The following PCLO variants were observed in gnomAD, a reference collection of about 807,000 sequenced individuals.
PCLO encodes the protein protein piccolo.
In PCLO, 82 loss-of-function variants were observed where a neutral mutation model predicts 427.5. That is an observed-to-expected ratio of 0.19 (90% CI 0.16 to 0.23). The LOEUF is 0.23. Among genes scored for constraint, PCLO ranks in the 10% least tolerant of loss-of-function variants. PCLO has a pLI of 1.00. For synonymous variants in PCLO, 2,357 were observed against 2,155.4 expected (o/e 1.09, Z -2.59); for missense variants, 6,239 against 6,115.9 (o/e 1.02, Z -0.67).
At chr7:82,979,686 T>G (rs1796104714) in intron 3 of PCLO, among the ~76,000 whole-genome samples, 1 of 152,254 alleles carries the variant, frequency 6.6e-6, no homozygotes, top group Non-Finnish European at 1.5e-5. Flanking sequence ...TGAGAAAGTA[T>G]AGATATTTTA....
intron 8 of PCLO, among the ~76,000 whole-genome samples, chr7:82,904,089 G>A (rs1794123377): frequency 1.3e-5 from 2 of 151,948 alleles, no homozygotes; most frequent in African/African-American, 4.8e-5. Context: ...ATTCTGCAGA[G>A]TAAAACAAAA....
At chr7:82,994,727 T>C (rs1796456468) in intron 3 of PCLO, among the ~76,000 whole-genome samples, 1 of 151,958 alleles carries the variant, frequency 6.6e-6, no homozygotes, top group South Asian at 2.1e-4. Flanking sequence ...ATAACCATTT[T>C]CAAAATATCA....
chr7:82,966,789 GA>G (rs969770611), intron 3 of PCLO, among the ~76,000 whole-genome samples: 2 of 151,816 alleles, frequency 1.3e-5, no homozygotes, highest in Admixed American at 6.6e-5. Flanking sequence ...TTTTCAGGAA[GA>G]AAAAAAATCT....
At chr7:83,114,261 A>G (rs1791076978) in intron 3 of PCLO, among the ~76,000 whole-genome samples, 1 of 152,118 alleles carries the variant, frequency 6.6e-6, no homozygotes, top group Admixed American at 6.6e-5. Flanking sequence ...CAGAGATTGT[A>G]CAAATAAACA....
Position 82,952,954 on chromosome 7 carries a change from T to A in PCLO, c.7999A>T (p.Thr2667Ser), listed in dbSNP as rs772013959. 8 of 1,613,770 alleles carry A rather than the reference T, an allele frequency of 5.0e-6. No homozygotes were observed. Among genetic ancestry groups the A allele is most frequent in the Non-Finnish European group, 6.8e-6 (8 of 1,179,846 alleles). ...GAAACTTCAGTAGTGAGAAACTGTG[T>A]AACTGATGTGGGAGCTGCTTGAAAT... ...SSFQAAPTSV[T>S]QFLTTEVSKT... Residue 2667 changes from threonine to serine, a missense_variant, in exon 5 of 25, where the codon ACA becomes TCA. Physicochemically the swap from Thr to Ser is moderately conservative, Grantham distance 58 (BLOSUM62 1). Coordinates refer to ENST00000333891, the MANE Select transcript of PCLO (RefSeq NM_033026.6).
At chr7:83,081,453 C>A (rs1280807669) in intron 3 of PCLO, among the ~76,000 whole-genome samples, 2 of 151,910 alleles carry the variant, frequency 1.3e-5, no homozygotes, top group African/African-American at 4.8e-5. Context: ...GCCACATAAT[C>A]TGAATGAAAA....
In PCLO at chr7:82,903,904, T is replaced by C. The variant is rs549490229; in HGVS notation, c.13438-1163A>G. Among the ~76,000 whole-genome samples the C allele has an allele frequency of 1.2e-4, 18 of 152,036 alleles. No individual in the cohort carries two copies. The South Asian group carries it at 2.5e-3, about 21-fold the overall frequency. The stretch of plus-strand genomic sequence containing the variant: ...TGTCCTAGTATTTCCAGCTGTAAAA[T>C]TGTTAGAATTCTGGATATTAAAAAC... On this transcript the variant is annotated intron_variant, in intron 8 of 24. Transcript: ENST00000333891.
chr7:83,156,266 C>T lies in PCLO; in HGVS notation c.375G>A (p.Leu125=). 1 of 1,613,676 alleles carries T rather than the reference C, an allele frequency of 6.2e-7. No individual in the cohort carries two copies. The highest frequency in any genetic ancestry group is 8.5e-7 in the Non-Finnish European group (1 of 1,179,688). ...TAATAGTGGAAGGACTCCTCCCAGGCAATTTCTGCTCTGACCTGAAAGTGT... is the reference window on the plus strand; with the variant it reads ...TAATAGTGGAAGGACTCCTCCCAGGTAATTTCTGCTCTGACCTGAAAGTGT... ...TTDTFRSEQK[L]PGRSPSTISL... The change falls in exon 2 of 25, where the codon TTG becomes TTA. Residue 125 remains leucine, a synonymous_variant. Coordinates refer to ENST00000333891, the MANE Select transcript of PCLO (RefSeq NM_033026.6).
chr7:82,768,403 A>T (rs1790577423), intron 22 of PCLO, among the ~76,000 whole-genome samples: 1 of 151,270 alleles, frequency 6.6e-6, no homozygotes, highest in South Asian at 2.1e-4. Flanking sequence ...AGCTTGGGTG[A>T]CAGAGTGAGA....
intron 9 of PCLO, among the ~76,000 whole-genome samples, chr7:82,886,962 T>G: frequency 6.6e-6 from 1 of 152,194 alleles, no homozygotes; most frequent in East Asian, 1.9e-4. Context: ...TTTATTTGAT[T>G]TTTGTTTTTG....
At chr7:82,906,595 AAAAC>A (rs1258444179) in intron 8 of PCLO, among the ~76,000 whole-genome samples, 2 of 152,084 alleles carry the variant, frequency 1.3e-5, no homozygotes, top group South Asian at 2.1e-4. Context: ...ATGATAAAGA[AAAAC>A]AAATTATTGT....
At chr7:83,000,933 T>C (rs1490356145) in intron 3 of PCLO, among the ~76,000 whole-genome samples, 10 of 152,182 alleles carry the variant, frequency 6.6e-5, no homozygotes, top group African/African-American at 2.2e-4. Flanking sequence ...TTCATTTTTT[T>C]TACCAGTATC....
At chr7:82,933,901 A>T (rs1794894025) in intron 6 of PCLO, among the ~76,000 whole-genome samples, 1 of 151,930 alleles carries the variant, frequency 6.6e-6, no homozygotes, top group Non-Finnish European at 1.5e-5. Flanking sequence ...TTACTCAGAG[A>T]AATGAATCTC....
chr7:83,094,392 A>G (rs182242973), intron 3 of PCLO, among the ~76,000 whole-genome samples: 1 of 151,904 alleles, frequency 6.6e-6, no homozygotes, highest in Admixed American at 6.6e-5. Flanking sequence ...TATTTTTAGT[A>G]GAGATGGGAT....
chr7:83,151,715 G>T (rs1179212083), intron 2 of PCLO, among the ~76,000 whole-genome samples: 1 of 152,092 alleles, frequency 6.6e-6, no homozygotes, highest in East Asian at 1.9e-4. Context: ...AATTGTGATG[G>T]TTTCTTCCTT....
chr7:82,775,442 T>C (rs373618146), intron 22 of PCLO, among the ~76,000 whole-genome samples: 1 of 152,172 alleles, frequency 6.6e-6, no homozygotes, highest in African/African-American at 2.4e-5. Context: ...AATGGGTGTG[T>C]AGGGGTATAT....
intron 3 of PCLO, among the ~76,000 whole-genome samples, chr7:83,073,487 T>C (rs571500968): frequency 2.6e-5 from 4 of 152,088 alleles, no homozygotes; most frequent in African/African-American, 9.6e-5. Flanking sequence ...GCAATATGAA[T>C]AGAACAAAAT....
rs770134830 is a variant in PCLO at position 82,966,370 on chromosome 7, G to A, written c.3418C>T (p.Pro1140Ser). 1 of 1,613,710 alleles carries A rather than the reference G, an allele frequency of 6.2e-7. No homozygotes were observed. Among genetic ancestry groups the A allele is most frequent in the South Asian group, 1.1e-5 (1 of 91,070 alleles). ...SGPKASPMPV[P>S]TESSSQKTAV... is the part of the protein sequence containing the mutation. ...GTTTTCTGAGATGATGATTCTGTAGGAACAGGCATAGGAGATGCTTTGGGT... is the reference window on the plus strand; with the variant it reads ...GTTTTCTGAGATGATGATTCTGTAGAAACAGGCATAGGAGATGCTTTGGGT... Residue 1140 changes from proline (P) to serine (S), a missense_variant, in exon 4 of 25, where the codon CCT becomes TCT. Physicochemically the swap from Pro to Ser is moderately conservative, Grantham distance 74. Around this residue, in one of 5 missense-constraint regions of PCLO, gnomAD observed 4,677 missense variants for 4,468.4 expected, o/e 1.05. Transcript: ENST00000333891.
At chr7:82,866,527 A>C (rs1468798008) in intron 10 of PCLO, among the ~76,000 whole-genome samples, 1 of 152,114 alleles carries the variant, frequency 6.6e-6, no homozygotes, top group African/African-American at 2.4e-5. Flanking sequence ...GGCATTCAGC[A>C]AACTCAAGTG....
Sources: allele counts gnomAD v4.1 joint callset (sites outside exome capture counted in the v4.1 genomes callset), GRCh38; gene constraint gnomAD v4.1.1; regional missense constraint gnomAD v4.1.1; transcripts MANE v1.5; gene names NCBI Gene and HGNC (gene_info 2026-07-23, HGNC 2026-07-21).